The following PCDHA3 variants were observed in gnomAD, a reference collection of about 807,000 sequenced individuals.
The protein encoded by PCDHA3 is protocadherin alpha 3, also known as protocadherin alpha-3.
In PCDHA3, 41 loss-of-function variants were observed where a neutral mutation model predicts 62.2. The ratio of observed to expected loss-of-function variants is 0.66; its 90% confidence interval spans 0.51 to 0.86. The LOEUF is 0.86. PCDHA3 is among the 40% of genes least tolerant of loss of function. The probability of loss-of-function intolerance (pLI) is 0.00; values close to 1 mark genes in which losing one functional copy is unlikely to be tolerated. For missense variants in PCDHA3, 1,304 were observed against 1,241.2 expected, an observed-to-expected ratio of 1.05 and a Z score of -0.76; for synonymous variants, 640 against 555.4, an observed-to-expected ratio of 1.15 and a Z score of -2.14.
intron 1 of PCDHA3, chr5:140,871,557 T>C (rs2053187983): frequency 1.3e-6 from 2 of 1,489,740 alleles, no homozygotes. Flanking sequence ...AATCCAGTTT[T>C]TTTTCACGGA....
intron 1 of PCDHA3, chr5:140,867,631 G>A (rs1554161429): frequency 1.3e-5 from 2 of 151,978 alleles, no homozygotes; most frequent in African/African-American, 4.8e-5. Flanking sequence ...AAATATTTAA[G>A]CTAGAGTGAT....
intron 1 of PCDHA3, chr5:140,875,686 G>C (rs17844351): frequency 0.022 from 35,932 of 1,613,570 alleles, 480 homozygotes; most frequent in East Asian, 0.061. Flanking sequence ...CAAAAGACAC[G>C]GGGACCTTCT....
chr5:140,878,139 T>G, intron 1 of PCDHA3: 1 of 191,254 alleles, frequency 5.2e-6, no homozygotes, highest in South Asian at 1.6e-4. Flanking sequence ...AGTGGCCAGA[T>G]GTTTGATAAC....
At chr5:140,842,131 T>A (rs2150330149) in intron 1 of PCDHA3, 1 of 1,613,890 alleles carries the variant, frequency 6.2e-7, no homozygotes, top group South Asian at 1.1e-5. Flanking sequence ...CTGATCCGGA[T>A]GAAGGAGCCA....
intron 1 of PCDHA3, chr5:140,829,701 C>T: frequency 1.2e-6 from 2 of 1,613,356 alleles, no homozygotes; most frequent in South Asian, 1.1e-5. Flanking sequence ...CAGGTGAGCG[C>T]GCGCGACGCG....
chr5:140,842,398 A>T, intron 1 of PCDHA3: 1 of 1,611,514 alleles, frequency 6.2e-7, no homozygotes, highest in Admixed American at 1.7e-5. Flanking sequence ...CCTTGCCTGT[A>T]CGTGAAGACG....
rs1200077477 is a variant in PCDHA3, at chr5:140,898,429, C to T, written c.2395-80520C>T. 2.1e-3 allele frequency among the ~76,000 whole-genome samples: 312 copies of T among 150,132 alleles called. 2 individuals are homozygous for T. Among genetic ancestry groups the T allele is most frequent in the African/African-American group, 7.3e-3 (294 of 40,066 alleles). On this transcript the variant is annotated intron_variant, in intron 1 of 3. Coordinates refer to ENST00000522353, the MANE Select transcript of PCDHA3 (RefSeq NM_018906.3). ...ATACGGCTAGCCAGTTTTCCCAGCACCATTTATTAAATAGGGAATCCTTTC... is the reference window on the plus strand; with the variant it reads ...ATACGGCTAGCCAGTTTTCCCAGCATCATTTATTAAATAGGGAATCCTTTC...
chr5:140,876,922 G>C (rs1554169106), intron 1 of PCDHA3: 6 of 1,613,906 alleles, frequency 3.7e-6, no homozygotes, highest in African/African-American at 2.7e-5. Context: ...GGACGCGGAC[G>C]CGCAGAAGAA....
At chr5:140,835,826 C>G in intron 1 of PCDHA3, 4 of 1,612,456 alleles carry the variant, frequency 2.5e-6, no homozygotes, top group Non-Finnish European at 3.4e-6. Context: ...CGGCGGGGGA[C>G]GCGGACGCGC....
At chr5:140,991,640 T>C (rs1315335320) in intron 3 of PCDHA3, among the ~76,000 whole-genome samples, 1 of 152,194 alleles carries the variant, frequency 6.6e-6, no homozygotes, top group Non-Finnish European at 1.5e-5. Flanking sequence ...AACAATCTGT[T>C]CATGACAATT....
chr5:140,872,338 A>T (rs970096150), intron 1 of PCDHA3, among the ~76,000 whole-genome samples: 2 of 152,156 alleles, frequency 1.3e-5, no homozygotes, highest in Non-Finnish European at 2.9e-5. Context: ...AAAATTCTAC[A>T]TGTTCTTGCC....
At chr5:140,941,214 C>CTTCCTTTCTTTCTTT (rs1554214039) in intron 1 of PCDHA3, among the ~76,000 whole-genome samples, 1 of 122,414 alleles carries the variant, frequency 8.2e-6, no homozygotes, top group Non-Finnish European at 1.7e-5. Context: ...TTTCTTTCTT[C>CTTCCTTTCTTTCTTT]CTTTCTTTCT....
intron 3 of PCDHA3, among the ~76,000 whole-genome samples, chr5:140,992,037 G>A (rs2153898781): frequency 6.6e-6 from 1 of 152,006 alleles, no homozygotes; most frequent in East Asian, 1.9e-4. Context: ...GTGTGTGTGT[G>A]TGTGTGTGTG....
intron 1 of PCDHA3, among the ~76,000 whole-genome samples, chr5:140,845,288 C>A (rs1304336704): frequency 6.7e-6 from 1 of 149,098 alleles, no homozygotes; most frequent in Non-Finnish European, 1.5e-5. Flanking sequence ...ATTTCCTATC[C>A]TGTCTATGTC....
chr5:140,925,033 C>G (rs1176042899), intron 1 of PCDHA3, among the ~76,000 whole-genome samples: 1 of 151,334 alleles, frequency 6.6e-6, no homozygotes, highest in Non-Finnish European at 1.5e-5. Flanking sequence ...ATCGCTTGAG[C>G]CCAGAAGTTT....
At chr5:140,812,687 C>T (rs1388647035) in intron 1 of PCDHA3, 2 of 152,182 alleles carry the variant, frequency 1.3e-5, no homozygotes, top group Non-Finnish European at 2.9e-5. Context: ...GATCATAGCT[C>T]CCTGCAAGTG....
chr5:140,852,738 C>A, intron 1 of PCDHA3: 1 of 983,624 alleles, frequency 1.0e-6, no homozygotes, highest in Non-Finnish European at 1.2e-6. Flanking sequence ...TTTCATGTGC[C>A]ATTTAAACTT....
At chr5:140,808,180 T>C in intron 1 of PCDHA3, 1 of 1,614,254 alleles carries the variant, frequency 6.2e-7, no homozygotes, top group Non-Finnish European at 8.5e-7. Flanking sequence ...TCCCACTTTC[T>C]GGCCATTGTA....
intron 1 of PCDHA3, among the ~76,000 whole-genome samples, chr5:140,888,278 C>G (rs1204327118): frequency 2.0e-5 from 3 of 151,932 alleles, no homozygotes; most frequent in African/African-American, 7.3e-5. Flanking sequence ...CAGTTTTGTC[C>G]CCTCTACCCC....
Sources: gnomAD v4.1 joint callset for allele counts (sites outside exome capture counted in the v4.1 genomes callset) on GRCh38, gnomAD v4.1.1 for gene constraint, MANE v1.5 for transcripts, NCBI Gene and HGNC (gene_info 2026-07-23, HGNC 2026-07-21) for gene names.